The following CKB variants were observed in gnomAD, a reference collection of about 807,000 sequenced individuals.
The protein encoded by CKB is creatine kinase B, also known as creatine kinase B-type.
Under a neutral mutation model 36.9 loss-of-function variants are expected in CKB, and 15 were observed. That is an observed-to-expected ratio of 0.41 (90% CI 0.27 to 0.63). The LOEUF is 0.63. Among genes scored for constraint, CKB ranks in the 20% least tolerant of loss-of-function variants. The probability of loss-of-function intolerance (pLI) is 0.34; values close to 1 mark genes in which losing one functional copy is unlikely to be tolerated. For missense variants in CKB, 413 were observed against 534.9 expected, an observed-to-expected ratio of 0.77 and a Z score of 2.25; for synonymous variants, 250 against 228.2, an observed-to-expected ratio of 1.10 and a Z score of -0.86.
chr14:103,520,317 G>A lies in CKB; in HGVS notation c.778-6C>T, dbSNP rs769357646. The A allele has an allele frequency of 6.2e-7, 1 of 1,601,532 alleles. No individual in the cohort carries two copies. The highest frequency in any genetic ancestry group is 1.7e-5 in the Admixed American group (1 of 59,154). ...GACTTGAAGAGAGTTTCAATCTGCA[G>A]ACGGAGAAGAGGGTATGAGGGAGAA... is the stretch of plus-strand genomic sequence containing the variant. On this transcript the variant is annotated splice_polypyrimidine_tract_variant and splice_region_variant and intron_variant, in intron 6 of 7. Coordinates refer to ENST00000348956, the MANE Select transcript of CKB (RefSeq NM_001823.5).
rs1460680862 is a variant in CKB at position 103,522,262 on chromosome 14, GA to G, written c.193+38del. On this transcript the variant is annotated intron_variant, in intron 2 of 7. Transcript: ENST00000348956. The surrounding 1 kb of genome is among the most constrained non-coding windows in gnomAD (Gnocchi z 6.7). ...TGAGGACCCTGCGGCTGCGCGGGGG[GA>G]GGGGGGGCCGGGACCCCGGCCCCGA... 9.5e-6 allele frequency: 15 copies of G among 1,575,704 alleles called. No homozygotes were observed. The African/African-American group carries it at 1.9e-4, about 20-fold the overall frequency.
chr14:103,521,191 G>A (rs969446283), intron 5 of CKB, 72 bp downstream of exon 5: 32 of 1,504,590 alleles, frequency 2.1e-5, no homozygotes, highest in African/African-American at 4.2e-5. Flanking sequence ...CCACCCCCGC[G>A]AGGGGGGCGA....
chr14:103,520,788 T>C (rs1336611060), intron 5 of CKB, 196 bp from the exon 6 acceptor site: 11 of 760,418 alleles, frequency 1.4e-5, no homozygotes, highest in Non-Finnish European at 1.4e-5. Flanking sequence ...CCAGCTGCCA[T>C]CATGCGCTGT....
At chr14:103,521,494 G>C in intron 4 of CKB, 60 bp from the exon 5 acceptor site, 1 of 1,388,898 alleles carries the variant, frequency 7.2e-7, no homozygotes, top group Non-Finnish European at 9.3e-7. Flanking sequence ...CCCGCAGCGC[G>C]GACCCGCCCG....
chr14:103,521,792 C>T, intron 4 of CKB, 26 bp downstream of exon 4: 1 of 1,367,742 alleles, frequency 7.3e-7, no homozygotes, highest in South Asian at 1.7e-5. Flanking sequence ...CGGCCGCCGC[C>T]GCCCCTCGGC....
Position 103,522,270 on chromosome 14 carries a change from G to T in CKB, c.193+31C>A, listed in dbSNP as rs748349526. The T allele has an allele frequency of 1.4e-5, 22 of 1,566,326 alleles. No homozygotes were observed. Among genetic ancestry groups the T allele is most frequent in the Non-Finnish European group, 3.5e-6 (4 of 1,158,028 alleles). ...CTGCGGCTGCGCGGGGGGAGGGGGG[G>T]CCGGGACCCCGGCCCCGAGGGGTCG... On this transcript the variant is annotated intron_variant, in intron 2 of 7. Transcript: ENST00000348956. This position sits in a 1 kb window ranked among gnomAD's most constrained non-coding sequence, Gnocchi z 6.7.
chr14:103,521,965 G>A lies in CKB; in HGVS notation c.349-15C>T, dbSNP rs758344566. Reference sequence around the variant, plus strand: ...TCGTCGCCGCCCTGGGAGGCGAGACGGGAGTGAGCGCCCGAAGACCCCGGC... The same window carrying A: ...TCGTCGCCGCCCTGGGAGGCGAGACAGGAGTGAGCGCCCGAAGACCCCGGC... On this transcript the variant is annotated splice_polypyrimidine_tract_variant and intron_variant, in intron 3 of 7. Transcript: ENST00000348956. 1.1e-5 allele frequency: 17 copies of A among 1,563,506 alleles called. No individual in the cohort carries two copies. The highest frequency in any genetic ancestry group is 1.5e-5 in the Non-Finnish European group (17 of 1,159,006).
At position 103,519,902 on chromosome 14, in the gene CKB, CCTGCTCCAGCCG is replaced by C. The variant is rs1424300118; in HGVS notation, c.1096_1107del (p.Arg366_Gln369del). 1 of 1,607,844 alleles carries C rather than the reference CCTGCTCCAGCCG, an allele frequency of 6.2e-7. No homozygotes were observed. Among genetic ancestry groups the C allele is most frequent in the Non-Finnish European group, 8.5e-7 (1 of 1,179,936 alleles). ...GGCATGAGGTCGTCGATGGCCTGGCCCTGCTCCAGCCGCTGCTCCATCTCGATGAGCAGCTTC... is the reference window on the plus strand; with the variant it reads ...GGCATGAGGTCGTCGATGGCCTGGCCCTGCTCCATCTCGATGAGCAGCTTC... On this transcript the variant is annotated inframe_deletion, in exon 8 of 8. Coordinates refer to ENST00000348956, the MANE Select transcript of CKB (RefSeq NM_001823.5).
chr14:103,521,221 G>A (rs959941529), intron 5 of CKB, 42 bp downstream of exon 5: 3 of 1,541,914 alleles, frequency 1.9e-6, no homozygotes, highest in Admixed American at 1.8e-5. Context: ...CGGAGGTAGC[G>A]GGGAGGGAGG....
At chr14:103,521,127 G>A (rs2075897141) in intron 5 of CKB, 136 bp downstream of exon 5, 2 of 1,114,534 alleles carry the variant, frequency 1.8e-6, no homozygotes, top group Non-Finnish European at 2.6e-6. Flanking sequence ...ACCCAGACCC[G>A]GAGCGCGGCC....
rs1463517539 is a variant in CKB at position 103,519,707 on chromosome 14, C to T, written c.*157G>A. ...TAGTTTATTTCAGCATCAGCAGTAT[C>T]TTAGCCATCAAAAAAATAAACTCTA... On this transcript the variant is annotated 3_prime_UTR_variant, in exon 8 of 8. Coordinates refer to ENST00000348956, the MANE Select transcript of CKB (RefSeq NM_001823.5). 2 of 800,004 alleles carry T rather than the reference C, an allele frequency of 2.5e-6. No homozygotes were observed. The highest frequency in any genetic ancestry group is 5.4e-5 in the East Asian group (2 of 37,318). The allele number at this position is 800,004 out of a possible 1,614,324, so 49.6% of individuals were successfully genotyped here.
At chr14:103,520,700 A>G in intron 5 of CKB, 108 bp from the exon 6 acceptor site, 1 of 1,419,498 alleles carries the variant, frequency 7.0e-7, no homozygotes, top group Non-Finnish European at 9.3e-7. Flanking sequence ...CATGCCCAGG[A>G]GTGGAGGCTG....
Position 103,519,885 on chromosome 14 carries a change from G to C in CKB, c.1125C>G (p.Asp375Glu). Residue 375 changes from aspartate (D) to glutamate (E), a missense_variant, in exon 8 of 8, where the codon GAC becomes GAG. Asp to Glu is a conservative substitution (Grantham distance 45). This residue lies in a region of CKB where 314 missense variants were observed against 409.4 expected (regional missense o/e 0.77). Coordinates refer to ENST00000348956, the MANE Select transcript of CKB (RefSeq NM_001823.5). ...QRLEQGQAID[D>E]LMPAQK ...GGCTTCATTTCTGGGCAGGCATGAG[G>C]TCGTCGATGGCCTGGCCCTGCTCCA... The C allele has an allele frequency of 6.2e-7, 1 of 1,606,064 alleles. No individual in the cohort carries two copies. The highest frequency in any genetic ancestry group is 8.5e-7 in the Non-Finnish European group (1 of 1,179,794).
At position 103,521,832 on chromosome 14, in the gene CKB, T is replaced by A; in HGVS notation, c.467A>T (p.Lys156Met). ...CSRGERRAIE[K>M]LAVEALSSLD... ...CCGGCCCCTACCTTCCACCGCGAGC[T>A]TCTCGATGGCGCGGCGCTCCCCGCG... is the stretch of plus-strand genomic sequence containing the variant. Residue 156 changes from lysine to methionine, a missense_variant, in exon 4 of 8, where the codon AAG becomes ATG. Coordinates refer to ENST00000348956, the MANE Select transcript of CKB (RefSeq NM_001823.5). 6.7e-7 allele frequency: 1 copy of A among 1,502,554 alleles called. No homozygotes were observed. Among genetic ancestry groups the A allele is most frequent in the South Asian group, 1.2e-5 (1 of 80,288 alleles). 93.1% of individuals were successfully genotyped at this position (1,502,554 alleles called of 1,614,324 possible). A position where few individuals can be genotyped will look rare whatever the true frequency, so the allele number is the denominator to read the frequency against.
rs2075901922 is a variant in CKB at position 103,521,653 on chromosome 14, G to A, written c.481+165C>T. 1.0e-5 allele frequency: 10 copies of A among 1,001,436 alleles called. 1 individual carries two copies. The South Asian group carries it at 2.1e-4, about 21-fold the overall frequency. 62.0% of individuals were successfully genotyped at this position (1,001,436 alleles called of 1,614,324 possible). ...GGCCCCAGGCCGCTGTGGGCGCGGG[G>A]CTGGGCCTCCGTCCCTCGGTCCCTC... On this transcript the variant is annotated intron_variant, in intron 4 of 7. Coordinates refer to ENST00000348956, the MANE Select transcript of CKB (RefSeq NM_001823.5).
Position 103,522,077 on chromosome 14 carries a change from G to A in CKB, c.294C>T (p.Gly98=). ...TGTGCTCATCGCTGGGCTTGTAGCC[G>A]CCGTGCCGGTCCTCGATGATGGGGT... ...LFDPIIEDRH[G]GYKPSDEHKT... The change falls in exon 3 of 8, where the codon GGC becomes GGT. Residue 98 remains glycine, a synonymous_variant. Transcript: ENST00000348956. This position sits in a 1 kb window ranked among gnomAD's most constrained non-coding sequence, Gnocchi z 6.7. 6.4e-7 allele frequency: 1 copy of A among 1,560,568 alleles called. No individual in the cohort carries two copies. The highest frequency in any genetic ancestry group is 8.7e-7 in the Non-Finnish European group (1 of 1,152,806).
At position 103,522,152 on chromosome 14, in the gene CKB, GC is replaced by G; in HGVS notation, c.218del (p.Gly73AlafsTer55). Reference sequence around the variant, plus strand: ...AGGACTCCTCGTCGCCCGCCACGCAGCCCACGGTCATGATGTACGGGTGGCC... The same window carrying G: ...AGGACTCCTCGTCGCCCGCCACGCAGCCACGGTCATGATGTACGGGTGGCC... ...NPGHPYIMTVGCVAGDEESYE... is the reference protein window; with the variant it reads ...NPGHPYIMTVXCVAGDEESYE... On this transcript the variant is annotated frameshift_variant, in exon 3 of 8. Coordinates refer to ENST00000348956, the MANE Select transcript of CKB (RefSeq NM_001823.5). LOFTEE classifies it high-confidence loss of function. The surrounding 1 kb of genome is among the most constrained non-coding windows in gnomAD (Gnocchi z 6.7). The G allele has an allele frequency of 6.2e-7, 1 of 1,604,254 alleles. No homozygotes were observed. The highest frequency in any genetic ancestry group is 8.5e-7 in the Non-Finnish European group (1 of 1,176,114).
Position 103,522,661 on chromosome 14 carries a change from C to G in CKB, c.-13+105G>C. On this transcript the variant is annotated intron_variant, in intron 1 of 7. Coordinates refer to ENST00000348956, the MANE Select transcript of CKB (RefSeq NM_001823.5). This position sits in a 1 kb window ranked among gnomAD's most constrained non-coding sequence, Gnocchi z 6.7. ...CGCGCGCGGGGAGCGCCATCATCGC[C>G]GGGGACCCCCGGCCGGTCCGGCGCG... The G allele has an allele frequency of 3.8e-6, 1 of 264,778 alleles. No homozygotes were observed. Among genetic ancestry groups the G allele is most frequent in the Non-Finnish European group, 6.4e-6 (1 of 155,288 alleles). The allele number at this position is 264,778 out of a possible 1,614,324, so 16.4% of individuals were successfully genotyped here. A position where few individuals can be genotyped will look rare whatever the true frequency, so the allele number is the denominator to read the frequency against.
rs1486137518 is a variant in CKB at position 103,519,948 on chromosome 14, C to T, written c.1062G>A (p.Val354=). ...TCTCGATGAGCAGCTTCACTCCGTC[C>T]ACCACCATCTGCACCAGCTCCACCT... The part of the protein sequence containing the change: ...FSEVELVQMV[V]DGVKLLIEME... The change falls in exon 8 of 8, where the codon GTG becomes GTA. Residue 354 remains valine (V), a synonymous_variant. Transcript: ENST00000348956. 1.2e-6 allele frequency: 2 copies of T among 1,610,496 alleles called. No homozygotes were observed. The highest frequency in any genetic ancestry group is 2.2e-5 in the South Asian group (2 of 91,090).
Sources: allele counts gnomAD v4.1 joint callset, GRCh38; gene constraint gnomAD v4.1.1; regional missense constraint gnomAD v4.1.1; non-coding constraint Gnocchi (gnomAD v3.1); transcripts MANE v1.5; gene names NCBI Gene and HGNC (gene_info 2026-07-23, HGNC 2026-07-21).